ANO4: variants seen among roughly 807,000 people sequenced by gnomAD.
ANO4 encodes the protein anoctamin-4.
Under a neutral mutation model 141.9 loss-of-function variants are expected in ANO4, and 69 were observed. That is an observed-to-expected ratio of 0.49 (90% confidence interval 0.40 to 0.59). The LOEUF (loss-of-function observed/expected upper bound fraction) is 0.59. Ranked by LOEUF, ANO4 falls within the 20% of genes least tolerant of loss-of-function variation. The pLI is 0.00. For synonymous variants in ANO4, 350 were observed against 394.3 expected (o/e 0.89, Z 1.33); for missense variants, 894 against 1,162.2 (o/e 0.77, Z 3.36).
At chr12:101,031,648 G>A (rs2046980641) in intron 9 of ANO4, among the ~76,000 whole-genome samples, 1 of 152,136 alleles carries the variant, frequency 6.6e-6, no homozygotes, top group African/African-American at 2.4e-5. Context: ...AACTCTCTCT[G>A]TTTGCAGATG....
At chr12:101,080,865 G>GATATATATATATATA (rs1555296493) in intron 15 of ANO4, among the ~76,000 whole-genome samples, 3 of 109,374 alleles carry the variant, frequency 2.7e-5, no homozygotes, top group Non-Finnish European at 5.5e-5. Flanking sequence ...CTAGGTTCTA[G>GATATATATATATATA]ATATATATAT....
intron 5 of ANO4, among the ~76,000 whole-genome samples, chr12:100,963,663 G>A (rs1306147331): frequency 6.6e-6 from 1 of 152,080 alleles, no homozygotes; most frequent in African/African-American, 2.4e-5. Flanking sequence ...TCATTTTTTA[G>A]AGAAAACTGG....
At chr12:100,912,392 C>CAAA (rs35934592) in intron 2 of ANO4, among the ~76,000 whole-genome samples, 7 of 67,328 alleles carry the variant, frequency 1.0e-4, no homozygotes, top group Non-Finnish European at 1.2e-4. Flanking sequence ...AGGACTCTGT[C>CAAA]AAAAAAAAAA....
chr12:100,978,741 G>A (rs1396113149), intron 7 of ANO4, among the ~76,000 whole-genome samples: 3 of 152,338 alleles, frequency 2.0e-5, no homozygotes, highest in Non-Finnish European at 2.9e-5. Context: ...ATTCAGAGTT[G>A]AGGAGAATGA....
At chr12:101,037,541 G>A (rs948044582) in intron 10 of ANO4, among the ~76,000 whole-genome samples, 1 of 152,154 alleles carries the variant, frequency 6.6e-6, no homozygotes, top group African/African-American at 2.4e-5. Flanking sequence ...GTGGGAGGAA[G>A]CCATCTTGAA....
rs2051403482 is a variant in ANO4, at chr12:101,128,157, G to A, written c.*301G>A. 1.3e-5 allele frequency: 2 copies of A among 152,568 alleles called. No individual in the cohort carries two copies. The highest frequency in any genetic ancestry group is 1.3e-4 in the Admixed American group (2 of 15,270). 9.5% of individuals were successfully genotyped at this position (152,568 alleles called of 1,614,324 possible). On this transcript the variant is annotated 3_prime_UTR_variant, in exon 28 of 28. Transcript: ENST00000392977. ...TAAAATCAAGGGGAACTTGTATACT[G>A]GGCCTGTTTTTCAGCCTGTTTGCTA...
At chr12:100,934,111 A>T (rs1477188868) in intron 3 of ANO4, among the ~76,000 whole-genome samples, 1 of 151,816 alleles carries the variant, frequency 6.6e-6, no homozygotes, top group Non-Finnish European at 1.5e-5. Flanking sequence ...ATTACATCCC[A>T]TTTGTCTATT....
intron 1 of ANO4, among the ~76,000 whole-genome samples, chr12:100,866,604 A>G (rs1167259185): frequency 6.6e-6 from 1 of 152,182 alleles, no homozygotes; most frequent in African/African-American, 2.4e-5. Flanking sequence ...AGGATGATGA[A>G]TCCAAACTAC....
chr12:100,945,694 T>A (rs2042690949), intron 5 of ANO4, among the ~76,000 whole-genome samples: 1 of 152,242 alleles, frequency 6.6e-6, no homozygotes, highest in African/African-American at 2.4e-5. Context: ...TTATTTGGAA[T>A]GTGTGAGTAA....
At chr12:100,872,967 A>G (rs1312710603) in intron 1 of ANO4, among the ~76,000 whole-genome samples, 2 of 152,128 alleles carry the variant, frequency 1.3e-5, no homozygotes, top group African/African-American at 2.4e-5. Context: ...GTGAGTTCTC[A>G]CAAGATCTGG....
chr12:100,744,054 C>T (rs1367492834), intron 3 of ANO4, among the ~76,000 whole-genome samples: 2 of 152,138 alleles, frequency 1.3e-5, no homozygotes, highest in African/African-American at 4.8e-5. Flanking sequence ...CTATCCAATC[C>T]CCAGCTGCAT....
chr12:100,958,680 C>G (rs1470334938), intron 5 of ANO4, among the ~76,000 whole-genome samples: 1 of 151,832 alleles, frequency 6.6e-6, no homozygotes, highest in Non-Finnish European at 1.5e-5. Flanking sequence ...AACCTTGTCT[C>G]TACAAAAAAT....
rs559121717 is a variant in ANO4 at position 100,982,235 on chromosome 12, TG to T, written c.603-5302del. 1.5e-3 allele frequency among the ~76,000 whole-genome samples: 236 copies of T among 152,270 alleles called. 2 individuals are homozygous for T. The highest frequency in any genetic ancestry group is 1.6e-3 in the Non-Finnish European group (111 of 67,998). Reference sequence around the variant, plus strand: ...GCTTTTGCTCAGTAAATAGCAAAAATGGAACAAAGTGACAACATACCCAACC... The same window carrying T: ...GCTTTTGCTCAGTAAATAGCAAAAATGAACAAAGTGACAACATACCCAACC... On this transcript the variant is annotated intron_variant, in intron 7 of 27. Coordinates refer to ENST00000392977, the MANE Select transcript of ANO4 (RefSeq NM_001286615.2).
At chr12:100,999,948 A>G (rs1161918353) in intron 8 of ANO4, among the ~76,000 whole-genome samples, 4 of 150,678 alleles carry the variant, frequency 2.7e-5, no homozygotes, top group African/African-American at 7.3e-5. Context: ...ACTCAGGAGG[A>G]TGAGGCAGGA....
At chr12:100,923,009 A>T (rs1180665200) in intron 3 of ANO4, among the ~76,000 whole-genome samples, 1 of 152,138 alleles carries the variant, frequency 6.6e-6, no homozygotes, top group Non-Finnish European at 1.5e-5. Context: ...ATTCTAGATG[A>T]TGAAGCTCCT....
At chr12:100,856,420 A>G (rs945252481) in intron 1 of ANO4, among the ~76,000 whole-genome samples, 1 of 152,182 alleles carries the variant, frequency 6.6e-6, no homozygotes, top group Non-Finnish European at 1.5e-5. Flanking sequence ...TTTGTTTAGC[A>G]TCTGTTTGTA....
intron 3 of ANO4, among the ~76,000 whole-genome samples, chr12:100,932,826 G>T (rs538667782): frequency 1.1e-3 from 164 of 151,890 alleles, no homozygotes; most frequent in Non-Finnish European, 2.0e-3. Flanking sequence ...CTGATTTTTC[G>T]TCTCCCAGGC....
intron 3 of ANO4, among the ~76,000 whole-genome samples, chr12:100,936,388 C>T (rs1463930753): frequency 6.6e-6 from 1 of 152,100 alleles, no homozygotes; most frequent in Non-Finnish European, 1.5e-5. Flanking sequence ...TCCCCCTCTC[C>T]CCAGTAATGA....
At chr12:100,981,764 G>C (rs943784566) in intron 7 of ANO4, among the ~76,000 whole-genome samples, 1 of 152,172 alleles carries the variant, frequency 6.6e-6, no homozygotes, top group Admixed American at 6.5e-5. Flanking sequence ...CAGCATGCAG[G>C]TTGGCATTCT....
Sources: gnomAD v4.1 joint callset for allele counts (sites outside exome capture counted in the v4.1 genomes callset) on GRCh38, gnomAD v4.1.1 for gene constraint, MANE v1.5 for transcripts, NCBI Gene and HGNC (gene_info 2026-07-23, HGNC 2026-07-21) for gene names.